Variants in HERC1 observed in about 807,000 individuals in gnomAD.
HERC1 encodes probable E3 ubiquitin-protein ligase HERC1.
A neutral mutation model predicts 554.3 loss-of-function variants in HERC1; 160 were observed. That is an observed-to-expected ratio of 0.29 (90% CI 0.25 to 0.33). The LOEUF (loss-of-function observed/expected upper bound fraction) is 0.33. Ranked by LOEUF, HERC1 falls within the 10% of genes least tolerant of loss-of-function variation. The pLI, the probability that HERC1 is intolerant of heterozygous loss-of-function variation, is 1.00. For synonymous variants in HERC1, 2,175 were observed against 2,131.7 expected (o/e 1.02, Z -0.56); for missense variants, 4,919 against 5,918.5 (o/e 0.83, Z 5.54).
chr15:63,681,355 T>C (rs998840854), intron 34 of HERC1, among the ~76,000 whole-genome samples: 7 of 152,188 alleles, frequency 4.6e-5, no homozygotes, highest in African/African-American at 1.7e-4. Context: ...GTGTACACCA[T>C]CATGCCTGGC....
At chr15:63,689,107 TC>T (rs2071954937) in intron 33 of HERC1, among the ~76,000 whole-genome samples, 1 of 152,066 alleles carries the variant, frequency 6.6e-6, no homozygotes, top group Non-Finnish European at 1.5e-5. Context: ...TCAAAGGGAA[TC>T]AGGATTGGCA....
chr15:63,641,413 T>C, intron 60 of HERC1, 57 bp downstream of exon 60: 8 of 1,454,288 alleles, frequency 5.5e-6, no homozygotes, highest in Non-Finnish European at 7.5e-6. Flanking sequence ...AAGGCTATAA[T>C]CACATTCCAA....
chr15:63,688,335 G>A (rs1335605878), intron 33 of HERC1, among the ~76,000 whole-genome samples: 2 of 152,168 alleles, frequency 1.3e-5, no homozygotes, highest in African/African-American at 4.8e-5. Flanking sequence ...GGAAAGCCTG[G>A]GGGAAGAAAC....
intron 31 of HERC1, among the ~76,000 whole-genome samples, chr15:63,691,669 T>C (rs939227087): frequency 2.0e-5 from 3 of 152,140 alleles, no homozygotes; most frequent in Non-Finnish European, 4.4e-5. Flanking sequence ...TTGTAAGTTA[T>C]ACTAATTAAG....
intron 1 of HERC1, among the ~76,000 whole-genome samples, chr15:63,824,360 C>T (rs1216932716): frequency 6.6e-6 from 1 of 151,842 alleles, no homozygotes; most frequent in Admixed American, 6.6e-5. Context: ...AGTGAAACCC[C>T]ATCTCTACTA....
At chr15:63,772,080 C>G (rs1287563664) in intron 2 of HERC1, among the ~76,000 whole-genome samples, 1 of 151,438 alleles carries the variant, frequency 6.6e-6, no homozygotes, top group African/African-American at 2.4e-5. Flanking sequence ...CAAGATCACG[C>G]CACTACACTC....
intron 1 of HERC1, among the ~76,000 whole-genome samples, chr15:63,824,737 A>C (rs2077826197): frequency 6.6e-6 from 1 of 152,044 alleles, no homozygotes; most frequent in African/African-American, 2.4e-5. Context: ...TTGTGATACA[A>C]ACACACTCTG....
intron 25 of HERC1, among the ~76,000 whole-genome samples, chr15:63,705,430 C>T (rs1368090205): frequency 6.6e-6 from 1 of 151,952 alleles, no homozygotes; most frequent in Non-Finnish European, 1.5e-5. Context: ...TCTTTCTATT[C>T]TAATTGTAAT....
chr15:63,655,032 C>T (rs2069945084), intron 50 of HERC1, among the ~76,000 whole-genome samples: 3 of 152,012 alleles, frequency 2.0e-5, no homozygotes, highest in African/African-American at 7.3e-5. Context: ...TGACTGTAAC[C>T]AGTCAAGGAA....
intron 1 of HERC1, among the ~76,000 whole-genome samples, chr15:63,832,280 T>C (rs1303497713): frequency 6.6e-6 from 1 of 152,192 alleles, no homozygotes; most frequent in Non-Finnish European, 1.5e-5. Flanking sequence ...CGTGTGTGTG[T>C]GTGTGTGTCT....
chr15:63,758,417 C>G lies in HERC1; in HGVS notation c.1027-48G>C. ...AACAAATAGTCAAGACAGTTTTAGT[C>G]TGGGCATTTTTTATACATATCCTCT... On this transcript the variant is annotated intron_variant, in intron 3 of 77. Coordinates refer to ENST00000443617, the MANE Select transcript of HERC1 (RefSeq NM_003922.4). This position sits in a 1 kb window ranked among gnomAD's most constrained non-coding sequence, Gnocchi z 4.0. 7.1e-7 allele frequency: 1 copy of G among 1,408,580 alleles called. No individual in the cohort carries two copies. The highest frequency in any genetic ancestry group is 9.7e-7 in the Non-Finnish European group (1 of 1,031,408). 87.3% of individuals were successfully genotyped at this position (1,408,580 alleles called of 1,614,324 possible).
At chr15:63,796,305 C>T (rs1303844658) in intron 1 of HERC1, among the ~76,000 whole-genome samples, 1 of 152,204 alleles carries the variant, frequency 6.6e-6, no homozygotes, top group Non-Finnish European at 1.5e-5. Context: ...TAATAAGTTT[C>T]TATTTCATTT....
chr15:63,620,845 G>A (rs954869641), intron 74 of HERC1, among the ~76,000 whole-genome samples: 5 of 152,032 alleles, frequency 3.3e-5, no homozygotes, highest in African/African-American at 1.2e-4. Flanking sequence ...CCATTTGCTT[G>A]GTAGATCTTC....
intron 24 of HERC1, among the ~76,000 whole-genome samples, chr15:63,709,024 C>G (rs1567038081): frequency 6.6e-6 from 1 of 152,188 alleles, no homozygotes; most frequent in Non-Finnish European, 1.5e-5. Flanking sequence ...GTGTCTCGCT[C>G]TGTCACCCAG....
At chr15:63,723,533 A>T (rs1218035964) in intron 18 of HERC1, among the ~76,000 whole-genome samples, 178 bp from the exon 19 acceptor site, 1 of 152,192 alleles carries the variant, frequency 6.6e-6, no homozygotes. Flanking sequence ...ACCCTTTTAC[A>T]TTCTCCAAAA....
chr15:63,705,672 C>T (rs2072965057), intron 25 of HERC1, among the ~76,000 whole-genome samples: 1 of 151,980 alleles, frequency 6.6e-6, no homozygotes, highest in African/African-American at 2.4e-5. Context: ...AGAAAACTGC[C>T]ACTAGTGGCA....
intron 57 of HERC1, 23 bp from the exon 58 acceptor site, chr15:63,643,573 T>C (rs940605590): frequency 3.4e-6 from 5 of 1,490,206 alleles, no homozygotes; most frequent in South Asian, 2.6e-5. Context: ...ATTTTTAACA[T>C]GCATTAAAAT....
intron 34 of HERC1, among the ~76,000 whole-genome samples, chr15:63,681,479 C>G (rs1433062059): frequency 6.6e-6 from 1 of 152,078 alleles, no homozygotes; most frequent in Non-Finnish European, 1.5e-5. Flanking sequence ...TTATAGGCAT[C>G]AGCCACTACA....
chr15:63,809,164 G>C (rs1018266926), intron 1 of HERC1, among the ~76,000 whole-genome samples: 3 of 152,104 alleles, frequency 2.0e-5, no homozygotes, highest in Admixed American at 6.5e-5. Flanking sequence ...GGGATGGAGG[G>C]GGAAGACACA....
Sources: allele counts gnomAD v4.1 joint callset (sites outside exome capture counted in the v4.1 genomes callset), GRCh38; gene constraint gnomAD v4.1.1; non-coding constraint Gnocchi (gnomAD v3.1); transcripts MANE v1.5; gene names NCBI Gene and HGNC (gene_info 2026-07-23, HGNC 2026-07-21).